Variants in SWT1 observed in about 807,000 individuals in gnomAD.
SWT1 encodes the protein transcriptional protein SWT1.
SWT1 carries 33 observed loss-of-function variants against 107.3 expected under a neutral mutation model. That is an observed-to-expected ratio of 0.31 (90% confidence interval 0.23 to 0.41). The LOEUF is 0.41. Among genes scored for constraint, SWT1 ranks in the 10% least tolerant of loss-of-function variants. The probability of loss-of-function intolerance (pLI) is 1.00; values close to 1 mark genes in which losing one functional copy is unlikely to be tolerated. For missense variants in SWT1, 898 were observed against 1,028.9 expected, an observed-to-expected ratio of 0.87 and a Z score of 1.74; for synonymous variants, 345 against 348.3, an observed-to-expected ratio of 0.99 and a Z score of 0.11.
intron 2 of SWT1, among the ~76,000 whole-genome samples, chr1:185,166,110 A>AT (rs1437064777): frequency 6.6e-6 from 1 of 152,074 alleles, no homozygotes; most frequent in South Asian, 2.1e-4. Flanking sequence ...CCTGTACTAG[A>AT]TTTTGACCTT....
chr1:185,165,643 C>A (rs1188931515), intron 2 of SWT1, among the ~76,000 whole-genome samples: 2 of 152,200 alleles, frequency 1.3e-5, no homozygotes, highest in African/African-American at 2.4e-5. Context: ...TAAATACTTT[C>A]CAGTGTTTTT....
At chr1:185,285,734 G>C (rs752358202) in intron 18 of SWT1, among the ~76,000 whole-genome samples, 10 of 152,226 alleles carry the variant, frequency 6.6e-5, no homozygotes, top group Non-Finnish European at 1.0e-4. Flanking sequence ...AAGGGGTCCA[G>C]CTTCATTCAT....
chr1:185,246,139 C>T (rs1056455204), intron 16 of SWT1, among the ~76,000 whole-genome samples: 3 of 152,114 alleles, frequency 2.0e-5, no homozygotes, highest in Non-Finnish European at 4.4e-5. Flanking sequence ...TTGTGCAGTG[C>T]ATAACTGTAC....
At position 185,231,416 on chromosome 1, in the gene SWT1, T is replaced by G. The variant is rs3753568; in HGVS notation, c.2310-161T>G. Among the ~76,000 whole-genome samples, 852 of 152,340 alleles carry G rather than the reference T, an allele frequency of 5.6e-3. 35 individuals are homozygous for G. The East Asian group carries it at 0.094, about 17-fold the overall frequency. ...CTTTACATGAATCTTATCCCAGACT[T>G]TCGTATTTTACTATCTTTTATTTCT... On this transcript the variant is annotated intron_variant, in intron 15 of 18. Coordinates refer to ENST00000367500, the MANE Select transcript of SWT1 (RefSeq NM_017673.7).
At chr1:185,212,672 G>T (rs1006897415) in intron 13 of SWT1, among the ~76,000 whole-genome samples, 1 of 152,004 alleles carries the variant, frequency 6.6e-6, no homozygotes, top group Non-Finnish European at 1.5e-5. Context: ...GCGTGGTGGT[G>T]GGTGCCTATA....
chr1:185,232,448 G>T (rs895119077), intron 16 of SWT1, among the ~76,000 whole-genome samples: 1 of 152,136 alleles, frequency 6.6e-6, no homozygotes, highest in Non-Finnish European at 1.5e-5. Context: ...ACTTGGTATC[G>T]TACTAGGCAC....
chr1:185,241,450 T>C (rs1420124325), intron 16 of SWT1, among the ~76,000 whole-genome samples: 2 of 152,164 alleles, frequency 1.3e-5, no homozygotes, highest in Non-Finnish European at 2.9e-5. Context: ...CCTTGTCCTT[T>C]CATCACCAAG....
chr1:185,202,834 C>A, intron 11 of SWT1, 35 bp downstream of exon 11: 1 of 1,204,284 alleles, frequency 8.3e-7, no homozygotes, highest in Non-Finnish European at 1.1e-6. Context: ...AGAGATATAT[C>A]TTATTTTATA....
intron 18 of SWT1, among the ~76,000 whole-genome samples, chr1:185,283,370 G>A (rs902393485): frequency 6.6e-6 from 1 of 152,180 alleles, no homozygotes; most frequent in Non-Finnish European, 1.5e-5. Context: ...CAGATGAGGA[G>A]TTTGCTCCAA....
At chr1:185,280,256 C>A (rs1664534287) in intron 18 of SWT1, among the ~76,000 whole-genome samples, 1 of 152,152 alleles carries the variant, frequency 6.6e-6, no homozygotes, top group Non-Finnish European at 1.5e-5. Flanking sequence ...TCCCCTTCCT[C>A]CATGATTGTA....
rs576237563 is a variant in SWT1, at chr1:185,278,569, A to G, written c.2573+1901A>G. On this transcript the variant is annotated intron_variant, in intron 18 of 18. Coordinates refer to ENST00000367500, the MANE Select transcript of SWT1 (RefSeq NM_017673.7). ...TTTAATTCCTTCACTGTTGCCTTCC[A>G]ATACCCTCCACCACTACATATTCCA... Among the ~76,000 whole-genome samples the G allele has an allele frequency of 9.2e-5, 14 of 152,332 alleles. 1 individual carries two copies. The highest frequency in any genetic ancestry group is 3.4e-3 in the Middle Eastern group (1 of 294).
chr1:185,226,465 G>A (rs1467256544), intron 15 of SWT1, among the ~76,000 whole-genome samples: 1 of 152,144 alleles, frequency 6.6e-6, no homozygotes, highest in African/African-American at 2.4e-5. Context: ...GCTGGGCATG[G>A]TGGGTCATGC....
chr1:185,222,510 A>T (rs1659733797), intron 15 of SWT1, among the ~76,000 whole-genome samples: 1 of 151,858 alleles, frequency 6.6e-6, no homozygotes, highest in South Asian at 2.1e-4. Context: ...TAGTCCCAGC[A>T]CTTCGGGAGG....
chr1:185,265,597 A>G (rs533933722), intron 16 of SWT1, among the ~76,000 whole-genome samples: 29 of 152,338 alleles, frequency 1.9e-4, no homozygotes, highest in African/African-American at 6.3e-4. Flanking sequence ...AGTGGTCTGA[A>G]GTTGAATTCT....
intron 18 of SWT1, among the ~76,000 whole-genome samples, chr1:185,277,335 A>G (rs928178983): frequency 2.6e-5 from 4 of 151,724 alleles, no homozygotes; most frequent in Admixed American, 2.0e-4. Context: ...AAATGGTGCG[A>G]CAATGTGCAG....
At chr1:185,210,972 G>C (rs1658750290) in intron 13 of SWT1, among the ~76,000 whole-genome samples, 1 of 152,036 alleles carries the variant, frequency 6.6e-6, no homozygotes, top group South Asian at 2.1e-4. Context: ...AAAATACCTA[G>C]GAATACAACT....
At chr1:185,251,592 C>T (rs1052159916) in intron 16 of SWT1, among the ~76,000 whole-genome samples, 5 of 152,058 alleles carry the variant, frequency 3.3e-5, no homozygotes, top group Middle Eastern at 6.8e-3. Context: ...TGAATTGATC[C>T]TCTTTACTGC....
rs527567499 is a variant in SWT1 at position 185,174,529 on chromosome 1, G to A, written c.382G>A (p.Val128Ile). 1 of 1,609,660 alleles carries A rather than the reference G, an allele frequency of 6.2e-7. No individual in the cohort carries two copies. The highest frequency in any genetic ancestry group is 1.1e-5 in the South Asian group (1 of 89,670). The change falls in exon 5 of 19, where the codon GTA becomes ATA. Residue 128 changes from valine (V) to isoleucine (I), a missense_variant. Physicochemically the swap from Val to Ile is conservative, Grantham distance 29. This residue lies in a region of SWT1 where 382 missense variants were observed against 362.4 expected (regional missense o/e 1.05). Transcript: ENST00000367500. Reference protein sequence around the residue: ...NGTKKDIHKCVDFKPKDIKLT... With the variant: ...NGTKKDIHKCIDFKPKDIKLT... The stretch of plus-strand genomic sequence containing the variant: ...AACTAAAAAAGACATACATAAATGT[G>A]TAGACTTTAAACCTAAAGATATCAA...
intron 15 of SWT1, among the ~76,000 whole-genome samples, chr1:185,226,176 A>G (rs1407158920): frequency 6.6e-6 from 1 of 152,178 alleles, no homozygotes; most frequent in African/African-American, 2.4e-5. Context: ...TTCACCTATA[A>G]TGTACATGCA....
Sources: allele counts gnomAD v4.1 joint callset (sites outside exome capture counted in the v4.1 genomes callset), GRCh38; gene constraint gnomAD v4.1.1; regional missense constraint gnomAD v4.1.1; transcripts MANE v1.5; gene names NCBI Gene and HGNC (gene_info 2026-07-23, HGNC 2026-07-21).